MCPH1: variants seen among roughly 807,000 people sequenced by gnomAD.
MCPH1 encodes microcephalin.
A neutral mutation model predicts 84.5 loss-of-function variants in MCPH1; 104 were observed. That is an observed-to-expected ratio of 1.23 (90% CI 1.05 to 1.45). The LOEUF is 1.45. Ranked by LOEUF, MCPH1 falls within the 40% of genes most tolerant of loss-of-function variation. The pLI, the probability that MCPH1 is intolerant of heterozygous loss-of-function variation, is 0.00. For synonymous variants in MCPH1, 514 were observed against 366.8 expected, an observed-to-expected ratio of 1.40 and a Z score of -4.58; for missense variants, 1,498 against 1,005.7, an observed-to-expected ratio of 1.49 and a Z score of -6.62.
At chr8:6,578,233 C>A (rs950218070) in intron 12 of MCPH1, among the ~76,000 whole-genome samples, 1 of 152,196 alleles carries the variant, frequency 6.6e-6, no homozygotes, top group East Asian at 1.9e-4. Context: ...AATTCTTTCC[C>A]AAACTGGTAT....
intron 11 of MCPH1, among the ~76,000 whole-genome samples, chr8:6,498,583 T>C (rs888254296): frequency 2.0e-5 from 3 of 152,312 alleles, no homozygotes; most frequent in Middle Eastern, 3.4e-3. Flanking sequence ...TTAAATTCAG[T>C]TGACTTTTTA....
At chr8:6,617,608 G>T (rs1002053639) in intron 12 of MCPH1, among the ~76,000 whole-genome samples, 1 of 151,708 alleles carries the variant, frequency 6.6e-6, no homozygotes, top group South Asian at 2.1e-4. Context: ...CTGTTTCTGG[G>T]GTGTGTGCAT....
At chr8:6,590,816 C>T (rs1828399468) in intron 12 of MCPH1, among the ~76,000 whole-genome samples, 1 of 152,340 alleles carries the variant, frequency 6.6e-6, no homozygotes, top group African/African-American at 2.4e-5. Context: ...TTGACCTCCT[C>T]ACAGGCCAGT....
chr8:6,640,028 G>A (rs1443212082), intron 13 of MCPH1, among the ~76,000 whole-genome samples: 1 of 150,786 alleles, frequency 6.6e-6, no homozygotes, highest in Non-Finnish European at 1.5e-5. Flanking sequence ...CATGAACCCT[G>A]CAATACGGCT....
At chr8:6,496,902 A>C (rs1411005951) in intron 11 of MCPH1, among the ~76,000 whole-genome samples, 1 of 152,042 alleles carries the variant, frequency 6.6e-6, no homozygotes, top group Non-Finnish European at 1.5e-5. Flanking sequence ...GTTTTCTCTC[A>C]TCACTTATAC....
chr8:6,457,156 T>A (rs1805772316), intron 9 of MCPH1, among the ~76,000 whole-genome samples: 1 of 152,204 alleles, frequency 6.6e-6, no homozygotes, highest in South Asian at 2.1e-4. Context: ...TTAAACTGCC[T>A]AACTTGCTCA....
intron 12 of MCPH1, among the ~76,000 whole-genome samples, chr8:6,529,233 C>G (rs1243639046): frequency 2.0e-5 from 3 of 152,174 alleles, no homozygotes; most frequent in African/African-American, 7.2e-5. Flanking sequence ...GTATTGATCT[C>G]TCATTCCCTT....
intron 9 of MCPH1, among the ~76,000 whole-genome samples, chr8:6,463,272 G>C (rs1236367128): frequency 6.6e-6 from 1 of 152,174 alleles, no homozygotes; most frequent in Non-Finnish European, 1.5e-5. Flanking sequence ...TGGGGGATCT[G>C]CTTCCTCAGT....
chr8:6,531,097 CG>C (rs1819419613), intron 12 of MCPH1, among the ~76,000 whole-genome samples: 1 of 152,096 alleles, frequency 6.6e-6, no homozygotes. Context: ...CGGGCTTGGC[CG>C]CCGAGAGTCA....
chr8:6,571,501 C>G (rs1826659045), intron 12 of MCPH1, among the ~76,000 whole-genome samples: 3 of 152,146 alleles, frequency 2.0e-5, no homozygotes, highest in Admixed American at 6.5e-5. Flanking sequence ...TAATAAAGAT[C>G]TAAATTTCTT....
intron 12 of MCPH1, among the ~76,000 whole-genome samples, chr8:6,510,557 A>G (rs2129566526): frequency 6.6e-6 from 1 of 152,304 alleles, no homozygotes; most frequent in African/African-American, 2.4e-5. Flanking sequence ...TGCACACTGG[A>G]TGCTTATAAC....
intron 12 of MCPH1, among the ~76,000 whole-genome samples, chr8:6,556,439 C>T (rs1004753972): frequency 2.0e-5 from 3 of 152,040 alleles, no homozygotes; most frequent in Non-Finnish European, 4.4e-5. Context: ...TGACCAAGGA[C>T]TTAACATCAT....
In MCPH1 at chr8:6,426,041, A is replaced by C. The variant is rs535263755; in HGVS notation, c.234-5458A>C. Among the ~76,000 whole-genome samples, 6 of 152,310 alleles carry C rather than the reference A, an allele frequency of 3.9e-5. No homozygotes were observed. In the South Asian group the frequency reaches 1.2e-3, roughly 32 times the overall value. ...CTTCTCATGCTTAAAATTGGTAATT[A>C]AGGGGACTTTTTAAAAAGAAGCACA... is the stretch of plus-strand genomic sequence containing the variant. On this transcript the variant is annotated intron_variant, in intron 3 of 13. Transcript: ENST00000344683.
intron 12 of MCPH1, among the ~76,000 whole-genome samples, chr8:6,583,906 C>G (rs1586711022): frequency 9.5e-6 from 1 of 105,218 alleles, no homozygotes; most frequent in South Asian, 3.1e-4. Flanking sequence ...ACCTTCTGTT[C>G]TAAATTTTGC....
chr8:6,451,435 C>G (rs2515574), intron 8 of MCPH1, among the ~76,000 whole-genome samples: 125,232 of 152,266 alleles, frequency 0.82, 55,130 homozygotes, highest in Non-Finnish European at 0.98. Flanking sequence ...AGTCAAGATA[C>G]TTTACACACA....
At chr8:6,421,284 T>A (rs530432570) in intron 3 of MCPH1, among the ~76,000 whole-genome samples, 16 of 152,280 alleles carry the variant, frequency 1.1e-4, no homozygotes, top group African/African-American at 3.6e-4. Flanking sequence ...GGCTGCCAAT[T>A]TATCACTTTT....
At chr8:6,626,468 T>C (rs575559204) in intron 13 of MCPH1, 2 of 966,252 alleles carry the variant, frequency 2.1e-6, no homozygotes, top group Admixed American at 1.5e-4. Context: ...TTGGTTTTTT[T>C]GTTTTGTTTT....
chr8:6,544,496 T>A (rs1822184452), intron 12 of MCPH1, among the ~76,000 whole-genome samples: 1 of 152,176 alleles, frequency 6.6e-6, no homozygotes, highest in Non-Finnish European at 1.5e-5. Context: ...GTCAAACTGT[T>A]TTTTACAAAA....
At chr8:6,463,543 C>G (rs891842917) in intron 9 of MCPH1, among the ~76,000 whole-genome samples, 5 of 151,966 alleles carry the variant, frequency 3.3e-5, no homozygotes, top group African/African-American at 9.7e-5. Flanking sequence ...AGAGAAGGAG[C>G]CTTGCAGTGG....
Sources: allele counts gnomAD v4.1 joint callset (sites outside exome capture counted in the v4.1 genomes callset), GRCh38; gene constraint gnomAD v4.1.1; transcripts MANE v1.5; gene names NCBI Gene and HGNC (gene_info 2026-07-23, HGNC 2026-07-21).